The following NUP98 variants were observed in gnomAD, a reference collection of about 807,000 sequenced individuals.
The protein encoded by NUP98 is nucleoporin 98 and 96 precursor.
NUP98 carries 26 observed loss-of-function variants against 191.9 expected under a neutral mutation model. The ratio of observed to expected loss-of-function variants is 0.14; its 90% CI spans 0.10 to 0.19. The LOEUF is 0.19. NUP98 is among the 10% of genes least tolerant of loss of function. The probability of loss-of-function intolerance (pLI) is 1.00; values close to 1 mark genes in which losing one functional copy is unlikely to be tolerated. For synonymous variants in NUP98, 808 were observed against 778.4 expected, an observed-to-expected ratio of 1.04 and a Z score of -0.63; for missense variants, 1,941 against 2,178.8, an observed-to-expected ratio of 0.89 and a Z score of 2.17.
intron 12 of NUP98, among the ~76,000 whole-genome samples, chr11:3,739,579 G>A (rs917090068): frequency 3.3e-5 from 5 of 151,976 alleles, no homozygotes; most frequent in African/African-American, 9.7e-5. Context: ...TATAAAATCC[G>A]CACAGAGATC....
chr11:3,722,130 G>A (rs918112057), intron 16 of NUP98, among the ~76,000 whole-genome samples: 37 of 123,288 alleles, frequency 3.0e-4, no homozygotes, highest in Admixed American at 6.9e-4. Context: ...TTTTTTTTTA[G>A]GAGACAGGAT....
intron 18 of NUP98, among the ~76,000 whole-genome samples, chr11:3,714,592 A>C (rs2079118080): frequency 6.6e-6 from 1 of 152,286 alleles, no homozygotes; most frequent in East Asian, 1.9e-4. Flanking sequence ...CCCCTGGCAA[A>C]TACTACTCTA....
chr11:3,687,904 C>A (rs1415799607), intron 28 of NUP98, among the ~76,000 whole-genome samples: 2 of 151,766 alleles, frequency 1.3e-5, no homozygotes, highest in Non-Finnish European at 2.9e-5. Context: ...GTGACTCATG[C>A]CTGTAATAGA....
intron 1 of NUP98, among the ~76,000 whole-genome samples, chr11:3,791,557 A>G (rs1450859228): frequency 1.6e-3 from 212 of 132,556 alleles, no homozygotes; most frequent in African/African-American, 5.1e-3. Flanking sequence ...AAAAAAAAAA[A>G]AGAAAGGCTG....
At chr11:3,771,521 C>T (rs541540084) in intron 7 of NUP98, among the ~76,000 whole-genome samples, 11 of 152,282 alleles carry the variant, frequency 7.2e-5, no homozygotes, top group Non-Finnish European at 1.5e-4. Flanking sequence ...TCTTCAGATA[C>T]GTCACTGCTC....
At chr11:3,726,786 CTT>C (rs906463691) in intron 14 of NUP98, among the ~76,000 whole-genome samples, 12 of 144,496 alleles carry the variant, frequency 8.3e-5, no homozygotes, top group African/African-American at 7.5e-5. Context: ...ACTTTTCTTT[CTT>C]TTTTTTTTTT....
intron 7 of NUP98, among the ~76,000 whole-genome samples, chr11:3,769,990 C>A (rs1472770510): frequency 6.6e-6 from 1 of 150,770 alleles, no homozygotes; most frequent in African/African-American, 2.4e-5. Flanking sequence ...ATGCAGTGAG[C>A]CGAGATCACA....
In NUP98 at chr11:3,783,433, T is replaced by A. The variant is rs528135007; in HGVS notation, c.-28-1288A>T. On this transcript the variant is annotated intron_variant, in intron 1 of 32. Transcript: ENST00000324932. Reference sequence around the variant, plus strand: ...GCTCACCTTGGCTGGGCGCGGTGGCTCACGCCTGTAATCCCAGCACTTTGG... The same window carrying A: ...GCTCACCTTGGCTGGGCGCGGTGGCACACGCCTGTAATCCCAGCACTTTGG... Among the ~76,000 whole-genome samples, 689 of 152,166 alleles carry A rather than the reference T, an allele frequency of 4.5e-3. 4 individuals carry two copies. Among genetic ancestry groups the A allele is most frequent in the African/African-American group, 0.015 (643 of 41,512 alleles).
chr11:3,770,392 C>G (rs2081487635), intron 7 of NUP98, among the ~76,000 whole-genome samples: 1 of 152,046 alleles, frequency 6.6e-6, no homozygotes, highest in Admixed American at 6.6e-5. Flanking sequence ...GTAGGAGAAT[C>G]ACCTGAGCCC....
At chr11:3,786,046 T>C (rs1169803325) in intron 1 of NUP98, among the ~76,000 whole-genome samples, 1 of 152,178 alleles carries the variant, frequency 6.6e-6, no homozygotes, top group Non-Finnish European at 1.5e-5. Flanking sequence ...AATTATCTCA[T>C]GTAAACCTCC....
At chr11:3,710,650 A>G (rs890015626) in intron 20 of NUP98, among the ~76,000 whole-genome samples, 1 of 152,164 alleles carries the variant, frequency 6.6e-6, no homozygotes, top group East Asian at 1.9e-4. Flanking sequence ...TTTCCAGTAT[A>G]CTCAAACGGC....
chr11:3,703,033 G>T, intron 22 of NUP98, 141 bp from the exon 23 acceptor site: 1 of 699,082 alleles, frequency 1.4e-6, no homozygotes, highest in Non-Finnish European at 2.3e-6. Context: ...ATGACCAGAA[G>T]CAGGCTAAGT....
intron 14 of NUP98, among the ~76,000 whole-genome samples, chr11:3,728,705 C>T (rs1434004984): frequency 1.3e-5 from 2 of 152,038 alleles, no homozygotes; most frequent in Non-Finnish European, 2.9e-5. Flanking sequence ...GGCCACTGCA[C>T]TCCAGCCTGG....
chr11:3,680,215 T>G (rs1216666520), intron 30 of NUP98, among the ~76,000 whole-genome samples: 1 of 152,184 alleles, frequency 6.6e-6, no homozygotes, highest in South Asian at 2.1e-4. Context: ...AGCTGCTGCT[T>G]TATCAACTAA....
At chr11:3,700,543 C>T in intron 24 of NUP98, 67 bp downstream of exon 24, 1 of 1,128,328 alleles carries the variant, frequency 8.9e-7, no homozygotes, top group Non-Finnish European at 1.3e-6. Context: ...AATTCATCCT[C>T]CCGTGAACAT....
At position 3,695,657 on chromosome 11, in the gene NUP98, C is replaced by T. The variant is rs762816937; in HGVS notation, c.4010-51G>A. The T allele has an allele frequency of 6.0e-5, 77 of 1,275,776 alleles. 1 individual carries two copies. In the Middle Eastern group the frequency reaches 8.1e-4, roughly 13 times the overall value. 79.0% of individuals were successfully genotyped at this position (1,275,776 alleles called of 1,614,324 possible). A position where few individuals can be genotyped will look rare whatever the true frequency, so the allele number is the denominator to read the frequency against. ...GTTATTACTAAGGGTTTATGGACTT[C>T]GTCAAACACTTGGGGGCATTATCTT... On this transcript the variant is annotated intron_variant, in intron 25 of 32. Transcript: ENST00000324932.
At chr11:3,715,274 G>A (rs1209712603) in intron 18 of NUP98, among the ~76,000 whole-genome samples, 1 of 152,090 alleles carries the variant, frequency 6.6e-6, no homozygotes. Flanking sequence ...AGCCTCCCAA[G>A]TAGCTGAGAG....
chr11:3,700,918 T>C (rs1274030456), intron 23 of NUP98, 79 bp from the exon 24 acceptor site: 5 of 924,424 alleles, frequency 5.4e-6, no homozygotes, highest in Non-Finnish European at 8.2e-6. Context: ...CAAACCACTG[T>C]TTCTTTTTAT....
chr11:3,778,995 C>A lies in NUP98; in HGVS notation c.233G>T (p.Gly78Val), dbSNP rs374160172. 1 of 1,614,034 alleles carries A rather than the reference C, an allele frequency of 6.2e-7. No homozygotes were observed. Among genetic ancestry groups the A allele is most frequent in the Non-Finnish European group, 8.5e-7 (1 of 1,180,048 alleles). The change falls in exon 4 of 33, where the codon GGC becomes GTC. Residue 78 changes from glycine (G) to valine (V), a missense_variant. By Grantham distance (109) the Gly-to-Val change is moderately radical. This residue lies in a region of NUP98 where 154 missense variants were observed against 182.9 expected (regional missense o/e 0.84). Transcript: ENST00000324932. ...TCCTGTTGACGTACCAAACCCAAAG[C>A]CAGTGCTTGTGGAGGTAGCTGGCTG... Reference protein sequence around the residue: ...FSQPATSTSTGFGFGTSTGTA... With the variant: ...FSQPATSTSTVFGFGTSTGTA...
Sources: gnomAD v4.1 joint callset for allele counts (sites outside exome capture counted in the v4.1 genomes callset) on GRCh38, gnomAD v4.1.1 for gene constraint, gnomAD v4.1.1 regional missense constraint, MANE v1.5 for transcripts, NCBI Gene and HGNC (gene_info 2026-07-23, HGNC 2026-07-21) for gene names.